The following IPCEF1 variants were observed in gnomAD, a reference collection of about 807,000 sequenced individuals.
IPCEF1 encodes interaction protein for cytohesin exchange factors 1, also known as interactor protein for cytohesin exchange factors 1.
In IPCEF1, 31 loss-of-function variants were observed where a neutral mutation model predicts 50.9. The ratio of observed to expected loss-of-function variants is 0.61; its 90% CI spans 0.46 to 0.82. The LOEUF (loss-of-function observed/expected upper bound fraction) is 0.82, where lower values mean the gene tolerates loss of function less well. IPCEF1 is among the 40% of genes least tolerant of loss of function. The pLI, the probability that IPCEF1 is intolerant of heterozygous loss-of-function variation, is 0.00. For synonymous variants in IPCEF1, 181 were observed against 192.0 expected (o/e 0.94, Z 0.47); for missense variants, 458 against 514.0 (o/e 0.89, Z 1.05).
At chr6:154,269,588 G>A (rs1203383171) in intron 2 of IPCEF1, among the ~76,000 whole-genome samples, 3 of 151,678 alleles carry the variant, frequency 2.0e-5, no homozygotes, top group South Asian at 2.1e-4. Flanking sequence ...TTCTTGCCTC[G>A]GCATCCTAAA....
chr6:154,252,536 G>A (rs778385727), intron 3 of IPCEF1, among the ~76,000 whole-genome samples: 9 of 152,046 alleles, frequency 5.9e-5, no homozygotes, highest in Non-Finnish European at 1.2e-4. Context: ...TTAGCTGGGC[G>A]TGGTGGTGGG....
At chr6:154,332,581 A>G (rs148487312) in intron 1 of IPCEF1, among the ~76,000 whole-genome samples, 3,227 of 152,338 alleles carry the variant, frequency 0.021, 61 homozygotes, top group Non-Finnish European at 0.032. Context: ...TCTCTCCTTC[A>G]TCACATAAAA....
intron 1 of IPCEF1, among the ~76,000 whole-genome samples, chr6:154,341,547 CA>C (rs1783918544): frequency 6.6e-6 from 1 of 152,152 alleles, no homozygotes; most frequent in Non-Finnish European, 1.5e-5. Context: ...GTGCAATGAA[CA>C]AAACACGCAG....
chr6:154,209,547 C>T (rs566754494), intron 9 of IPCEF1, among the ~76,000 whole-genome samples: 15 of 150,696 alleles, frequency 1.0e-4, no homozygotes, highest in East Asian at 3.9e-4. Flanking sequence ...CTCGGGGGGC[C>T]GAGGTGGGAG....
At chr6:154,330,594 A>G (rs527843450) in intron 1 of IPCEF1, among the ~76,000 whole-genome samples, 2 of 152,168 alleles carry the variant, frequency 1.3e-5, no homozygotes, top group South Asian at 4.1e-4. Flanking sequence ...AAGTGCTGGG[A>G]TTACAGCCAT....
intron 9 of IPCEF1, among the ~76,000 whole-genome samples, chr6:154,206,065 G>A (rs1216622296): frequency 2.0e-5 from 3 of 152,002 alleles, no homozygotes; most frequent in African/African-American, 7.2e-5. Flanking sequence ...GCTCTTCATG[G>A]CACCCCCATA....
At chr6:154,261,191 C>A (rs530518700) in intron 3 of IPCEF1, among the ~76,000 whole-genome samples, 1 of 152,104 alleles carries the variant, frequency 6.6e-6, no homozygotes, top group East Asian at 1.9e-4. Flanking sequence ...TGAACCAATA[C>A]GCCTGGCTAT....
intron 9 of IPCEF1, among the ~76,000 whole-genome samples, chr6:154,207,633 G>T (rs1199057136): frequency 6.6e-6 from 1 of 152,066 alleles, no homozygotes; most frequent in Non-Finnish European, 1.5e-5. Context: ...GAACTCTGGG[G>T]CTCAAGCCAT....
intron 1 of IPCEF1, among the ~76,000 whole-genome samples, chr6:154,293,029 C>G (rs556194301): frequency 6.6e-6 from 1 of 152,306 alleles, no homozygotes; most frequent in Non-Finnish European, 1.5e-5. Flanking sequence ...AACTTTCCAG[C>G]ATATTAAATT....
chr6:154,253,303 G>C (rs1781382768), intron 3 of IPCEF1, among the ~76,000 whole-genome samples: 1 of 152,112 alleles, frequency 6.6e-6, no homozygotes. Context: ...CTCCCAAAGT[G>C]CTGGGATTAC....
At position 154,195,349 on chromosome 6, in the gene IPCEF1, A is replaced by G. The variant is rs9478520; in HGVS notation, c.910+4319T>C. On this transcript the variant is annotated intron_variant, in intron 10 of 11. Transcript: ENST00000367220. ...TTTTTAATAGAGATGGGGTTTCACC[A>G]TGTTAGCCAGGATGGTCTCGATCTC... is the stretch of plus-strand genomic sequence containing the variant. Among the ~76,000 whole-genome samples the G allele has an allele frequency of 9.9e-3, 1,506 of 151,934 alleles. 22 individuals are homozygous for G. Among genetic ancestry groups the G allele is most frequent in the African/African-American group, 0.035 (1,440 of 41,432 alleles).
chr6:154,212,040 G>C (rs1345256637), intron 9 of IPCEF1, among the ~76,000 whole-genome samples: 1 of 152,162 alleles, frequency 6.6e-6, no homozygotes, highest in African/African-American at 2.4e-5. Flanking sequence ...TTCCAGGGTT[G>C]CCTGGAGAAT....
At position 154,347,251 on chromosome 6, in the gene IPCEF1, G is replaced by A. The variant is rs17085332; in HGVS notation, c.-62+9421C>T. On this transcript the variant is annotated intron_variant, in intron 1 of 11. Transcript: ENST00000367220. ...CCTTATATTATAGTATATTCCCTCA[G>A]GACAGCTATATACTGGACGCTCAGG... Among the ~76,000 whole-genome samples the A allele has an allele frequency of 9.8e-4, 149 of 152,226 alleles. 2 individuals are homozygous for A. In the East Asian group the frequency reaches 0.014, roughly 14 times the overall value.
At chr6:154,352,728 G>A (rs1317476066) in intron 1 of IPCEF1, among the ~76,000 whole-genome samples, 2 of 152,202 alleles carry the variant, frequency 1.3e-5, no homozygotes, top group Non-Finnish European at 1.5e-5. Context: ...ATGGTGACCT[G>A]CTGGCCCTGT....
intron 9 of IPCEF1, among the ~76,000 whole-genome samples, chr6:154,210,822 T>G (rs915856428): frequency 6.6e-6 from 1 of 152,240 alleles, no homozygotes; most frequent in African/African-American, 2.4e-5. Flanking sequence ...TCATATTTAA[T>G]AGATAGTTTA....
At chr6:154,188,325 T>G (rs1306342316) in intron 10 of IPCEF1, among the ~76,000 whole-genome samples, 1 of 152,144 alleles carries the variant, frequency 6.6e-6, no homozygotes, top group Admixed American at 6.5e-5. Flanking sequence ...AAAATATAAA[T>G]TGTGAAATTT....
chr6:154,265,663 A>C (rs1158429389), intron 3 of IPCEF1, among the ~76,000 whole-genome samples: 2 of 152,156 alleles, frequency 1.3e-5, no homozygotes, highest in African/African-American at 4.8e-5. Context: ...CATCTTCTTA[A>C]AATATAATTG....
chr6:154,347,915 AAAGAGGATGC>A (rs1244815578), intron 1 of IPCEF1, among the ~76,000 whole-genome samples: 9 of 152,148 alleles, frequency 5.9e-5, no homozygotes, highest in African/African-American at 2.2e-4. Flanking sequence ...CACAGAACAC[AAAGAGGATGC>A]AATGCCCGGT....
At position 154,246,750 on chromosome 6, in the gene IPCEF1, C is replaced by T. The variant is rs149638978; in HGVS notation, c.87G>A (p.Thr29=). The change falls in exon 5 of 12, where the codon ACG becomes ACA. Residue 29 remains threonine, a synonymous_variant. Transcript: ENST00000367220. ...KPRRKTQGFL[T]MSRRRISCKD... is the part of the protein sequence containing the mutation. Reference sequence around the variant, plus strand: ...TACACGATATCCTCCTCCGACTCATCGTGAGAAAACCTGCAATGATTACAT... The same window carrying T: ...TACACGATATCCTCCTCCGACTCATTGTGAGAAAACCTGCAATGATTACAT... The T allele has an allele frequency of 1.1e-4, 185 of 1,613,606 alleles. No homozygotes were observed. The highest frequency in any genetic ancestry group is 3.3e-4 in the Middle Eastern group (2 of 6,078).
Sources: gnomAD v4.1 joint callset for allele counts (sites outside exome capture counted in the v4.1 genomes callset) on GRCh38, gnomAD v4.1.1 for gene constraint, MANE v1.5 for transcripts, NCBI Gene and HGNC (gene_info 2026-07-23, HGNC 2026-07-21) for gene names.